Variants in TTC28 observed in about 807,000 individuals in gnomAD.
The protein encoded by TTC28 is tetratricopeptide repeat domain 28, also known as tetratricopeptide repeat protein 28.
Under a neutral mutation model 198.0 loss-of-function variants are expected in TTC28, and 61 were observed. The observed-to-expected ratio is 0.31, with a 90% CI of 0.25 to 0.38. TTC28 has a LOEUF of 0.38. Ranked by LOEUF, TTC28 falls within the 10% of genes least tolerant of loss-of-function variation. TTC28 has a pLI of 1.00. For missense variants in TTC28, 2,678 were observed against 3,164.0 expected (o/e 0.85, Z 3.69); for synonymous variants, 1,171 against 1,297.8 (o/e 0.90, Z 2.10).
intron 2 of TTC28, among the ~76,000 whole-genome samples, chr22:28,623,119 G>A (rs879937907): frequency 1.3e-4 from 20 of 151,860 alleles, no homozygotes; most frequent in Middle Eastern, 3.2e-3. Flanking sequence ...CACCATGCCC[G>A]GCCCAAAATA....
chr22:28,295,336 T>A (rs1435893846), intron 5 of TTC28, among the ~76,000 whole-genome samples: 1 of 152,234 alleles, frequency 6.6e-6, no homozygotes, highest in African/African-American at 2.4e-5. Flanking sequence ...AAACTTTTTG[T>A]TGCCTCTGCT....
chr22:28,600,311 C>T (rs751131456), intron 2 of TTC28, among the ~76,000 whole-genome samples: 2 of 151,926 alleles, frequency 1.3e-5, no homozygotes, highest in Middle Eastern at 3.4e-3. Flanking sequence ...AGGCTAAGGT[C>T]GGGGGGTTGC....
intron 1 of TTC28, among the ~76,000 whole-genome samples, chr22:28,643,866 A>T (rs112628163): frequency 2.0e-5 from 3 of 152,190 alleles, no homozygotes; most frequent in African/African-American, 7.2e-5. Flanking sequence ...AGTACTTTAC[A>T]TATGTTAGCT....
chr22:28,650,290 G>A (rs149614528), intron 1 of TTC28, among the ~76,000 whole-genome samples: 270 of 152,136 alleles, frequency 1.8e-3, no homozygotes, highest in African/African-American at 6.1e-3. Context: ...AATAATTTGC[G>A]TGCCTATGGA....
intron 5 of TTC28, among the ~76,000 whole-genome samples, chr22:28,246,909 G>C (rs570101631): frequency 6.6e-6 from 1 of 152,056 alleles, no homozygotes; most frequent in African/African-American, 2.4e-5. Context: ...TTTAAAGGAA[G>C]ATCTATACAC....
intron 6 of TTC28, among the ~76,000 whole-genome samples, chr22:28,132,305 G>T (rs138278447): frequency 2.6e-5 from 4 of 152,314 alleles, no homozygotes; most frequent in Non-Finnish European, 5.9e-5. Flanking sequence ...TGGAAAGACT[G>T]AATGGAGAGA....
chr22:28,441,786 G>T (rs1334895604), intron 2 of TTC28, among the ~76,000 whole-genome samples: 1 of 151,078 alleles, frequency 6.6e-6, no homozygotes, highest in Non-Finnish European at 1.5e-5. Context: ...GGCTAACAGA[G>T]ACAGGTCAAG....
chr22:28,362,777 G>T (rs2046178558), intron 2 of TTC28, among the ~76,000 whole-genome samples: 2 of 152,118 alleles, frequency 1.3e-5, no homozygotes, highest in Admixed American at 6.6e-5. Flanking sequence ...GCAGCATTTT[G>T]CCCCTGCCCT....
chr22:28,300,583 C>T (rs1004249063), intron 3 of TTC28, among the ~76,000 whole-genome samples: 2 of 151,806 alleles, frequency 1.3e-5, no homozygotes, highest in Non-Finnish European at 2.9e-5. Context: ...AATTATAATG[C>T]AAAGATCAAT....
chr22:28,123,401 G>C (rs943285163), intron 6 of TTC28, among the ~76,000 whole-genome samples: 1 of 151,978 alleles, frequency 6.6e-6, no homozygotes, highest in Non-Finnish European at 1.5e-5. Flanking sequence ...GACTACAAGC[G>C]CATGCCACCA....
intron 2 of TTC28, among the ~76,000 whole-genome samples, chr22:28,553,935 G>A (rs912385176): frequency 2.0e-5 from 3 of 152,248 alleles, no homozygotes; most frequent in Non-Finnish European, 4.4e-5. Context: ...ATAGAAAGGG[G>A]GGAAAGGTGG....
intron 1 of TTC28, among the ~76,000 whole-genome samples, chr22:28,673,786 G>GTATCAT (rs943380571): frequency 7.9e-5 from 12 of 152,246 alleles, no homozygotes; most frequent in African/African-American, 2.9e-4. Flanking sequence ...CATCATATTT[G>GTATCAT]TATCATACTA....
intron 2 of TTC28, among the ~76,000 whole-genome samples, chr22:28,345,867 A>C (rs972266901): frequency 6.6e-6 from 1 of 152,212 alleles, no homozygotes; most frequent in African/African-American, 2.4e-5. Context: ...ATGGGAATTC[A>C]TTCAATATTA....
At chr22:28,595,968 T>C (rs1452413416) in intron 2 of TTC28, among the ~76,000 whole-genome samples, 1 of 151,972 alleles carries the variant, frequency 6.6e-6, no homozygotes, top group Admixed American at 6.6e-5. Flanking sequence ...ACACAGGGGA[T>C]ATGGTGGTGA....
intron 5 of TTC28, among the ~76,000 whole-genome samples, chr22:28,169,509 T>C (rs1196784840): frequency 6.6e-6 from 1 of 152,126 alleles, no homozygotes; most frequent in African/African-American, 2.4e-5. Context: ...GGATGAGTCA[T>C]GTCCTTTGTA....
chr22:28,049,585 C>G (rs1482361498), intron 12 of TTC28, among the ~76,000 whole-genome samples: 1 of 152,168 alleles, frequency 6.6e-6, no homozygotes, highest in Non-Finnish European at 1.5e-5. Flanking sequence ...CTACTCCTTC[C>G]CTTCCCCCAG....
chr22:28,091,084 T>C (rs996922757), intron 12 of TTC28, among the ~76,000 whole-genome samples: 1 of 152,182 alleles, frequency 6.6e-6, no homozygotes, highest in East Asian at 1.9e-4. Context: ...ATGGTTAACA[T>C]GGGAAACACA....
At position 28,216,831 on chromosome 22, in the gene TTC28, C is replaced by T. The variant is rs534154367; in HGVS notation, c.934-53232G>A. Reference sequence around the variant, plus strand: ...CAATCTCCCAGGCACAAGTGATCCTCCCACCTCAGCCTTCCGAGTAGCTCA... The same window carrying T: ...CAATCTCCCAGGCACAAGTGATCCTTCCACCTCAGCCTTCCGAGTAGCTCA... On this transcript the variant is annotated intron_variant, in intron 5 of 22. Transcript: ENST00000397906. 9.2e-5 allele frequency among the ~76,000 whole-genome samples: 14 copies of T among 152,198 alleles called. No individual in the cohort carries two copies. The East Asian group carries it at 2.1e-3, about 23-fold the overall frequency.
At chr22:28,286,943 A>C (rs948708762) in intron 5 of TTC28, among the ~76,000 whole-genome samples, 1 of 152,178 alleles carries the variant, frequency 6.6e-6, no homozygotes, top group Non-Finnish European at 1.5e-5. Context: ...TAAGATTAAA[A>C]TATATTTATA....
Sources: gnomAD v4.1 joint callset for allele counts (sites outside exome capture counted in the v4.1 genomes callset) on GRCh38, gnomAD v4.1.1 for gene constraint, MANE v1.5 for transcripts, NCBI Gene and HGNC (gene_info 2026-07-23, HGNC 2026-07-21) for gene names.